ST8SIA6: variants seen among roughly 807,000 people sequenced by gnomAD.
ST8SIA6 encodes the protein ST8 alpha-N-acetyl-neuraminide alpha-2,8-sialyltransferase 6.
ST8SIA6 carries 39 observed loss-of-function variants against 33.6 expected under a neutral mutation model. The ratio of observed to expected loss-of-function variants is 1.16; its 90% CI spans 0.90 to 1.52. The LOEUF (loss-of-function observed/expected upper bound fraction) is 1.52. Among genes scored for constraint, ST8SIA6 ranks in the 40% most tolerant of loss-of-function variants. ST8SIA6 has a pLI of 0.00. For missense variants in ST8SIA6, 441 were observed against 443.8 expected (o/e 0.99, Z 0.06); for synonymous variants, 172 against 167.2 (o/e 1.03, Z -0.22).
In ST8SIA6 at chr10:17,323,229, G is replaced by GCA. The variant is rs1554783533; in HGVS notation, c.636-74_636-73dup. On this transcript the variant is annotated intron_variant, in intron 6 of 7. Transcript: ENST00000377602. Reference sequence around the variant, plus strand: ...AAAGATTGTATACACACATATGCGCGCACACACACACACACACACACCTAT... The same window carrying GCA: ...AAAGATTGTATACACACATATGCGCGCACACACACACACACACACACACCTAT... 3.6e-3 allele frequency: 2,857 copies of GCA among 791,484 alleles called. 2 individuals carry two copies. The highest frequency in any genetic ancestry group is 0.012 in the Middle Eastern group (33 of 2,700). 49.0% of individuals were successfully genotyped at this position (791,484 alleles called of 1,614,324 possible). A position where few individuals can be genotyped will look rare whatever the true frequency, so the allele number is the denominator to read the frequency against.
At chr10:17,425,917 C>G (rs571668433) in intron 2 of ST8SIA6, among the ~76,000 whole-genome samples, 1 of 152,262 alleles carries the variant, frequency 6.6e-6, no homozygotes, top group Admixed American at 6.5e-5. Context: ...CCTCAAATGC[C>G]CTAACTGCAA....
chr10:17,318,771 CA>C lies in ST8SIA6; in HGVS notation c.*2106del, dbSNP rs1422398824. 1 of 466,458 alleles carries C rather than the reference CA, an allele frequency of 2.1e-6. No individual in the cohort carries two copies. Among genetic ancestry groups the C allele is most frequent in the Admixed American group, 2.4e-5 (1 of 41,684 alleles). The allele number at this position is 466,458 out of a possible 1,614,324, so 28.9% of individuals were successfully genotyped here. A position where few individuals can be genotyped will look rare whatever the true frequency, so the allele number is the denominator to read the frequency against. ...TTTGCAATGATTCACCAATACAGAA[CA>C]AAAAGAACTGTGACTTACGTTTTAC... On this transcript the variant is annotated 3_prime_UTR_variant, in exon 8 of 8. Coordinates refer to ENST00000377602, the MANE Select transcript of ST8SIA6 (RefSeq NM_001004470.3).
At chr10:17,444,657 T>C (rs891780133) in intron 2 of ST8SIA6, among the ~76,000 whole-genome samples, 3 of 152,180 alleles carry the variant, frequency 2.0e-5, no homozygotes, top group African/African-American at 7.2e-5. Flanking sequence ...CCCGGACAAT[T>C]GCACCTGATA....
At position 17,320,572 on chromosome 10, in the gene ST8SIA6, G is replaced by T; in HGVS notation, c.*306C>A. On this transcript the variant is annotated 3_prime_UTR_variant, in exon 8 of 8. Coordinates refer to ENST00000377602, the MANE Select transcript of ST8SIA6 (RefSeq NM_001004470.3). ...GGTCTGGTGAAGGTGGAGATGGCTGGTATAAATAGTAAGAAAGAAATATTC... is the reference window on the plus strand; with the variant it reads ...GGTCTGGTGAAGGTGGAGATGGCTGTTATAAATAGTAAGAAAGAAATATTC... 1 of 326,918 alleles carries T rather than the reference G, an allele frequency of 3.1e-6. No homozygotes were observed. The highest frequency in any genetic ancestry group is 5.6e-6 in the Non-Finnish European group (1 of 176,992). The allele number at this position is 326,918 out of a possible 1,614,324, so 20.3% of individuals were successfully genotyped here. A position where few individuals can be genotyped will look rare whatever the true frequency, so the allele number is the denominator to read the frequency against.
Position 17,397,256 on chromosome 10 carries a change from G to A in ST8SIA6, c.201-6636C>T, listed in dbSNP as rs529918569. 5.6e-5 allele frequency among the ~76,000 whole-genome samples: 6 copies of A among 106,226 alleles called. No homozygotes were observed. The South Asian group carries it at 1.0e-3, about 18-fold the overall frequency. 69.7% of individuals were successfully genotyped at this position (106,226 alleles called of 152,430 possible). The stretch of plus-strand genomic sequence containing the variant: ...TTGTTTTTTTTTTTTTTTTTGAGAC[G>A]AAGTCTCACTCTTGTCCCCCAGGCT... On this transcript the variant is annotated intron_variant, in intron 2 of 7. Transcript: ENST00000377602.
chr10:17,321,293 T>C lies in ST8SIA6; in HGVS notation c.782A>G (p.Tyr261Cys), dbSNP rs1355543309. 4 of 1,613,812 alleles carry C rather than the reference T, an allele frequency of 2.5e-6. No homozygotes were observed. Among genetic ancestry groups the C allele is most frequent in the East Asian group, 2.2e-5 (1 of 44,870 alleles). Residue 261 changes from tyrosine (Y) to cysteine (C), a missense_variant, in exon 8 of 8, where the codon TAT (tyrosine) becomes TGT (cysteine). Physicochemically the swap from Tyr to Cys is radical, Grantham distance 194. Coordinates refer to ENST00000377602, the MANE Select transcript of ST8SIA6 (RefSeq NM_001004470.3). ...KALFLEDIAT[Y>C]GDAFFLLPAF... is the part of the protein sequence containing the mutation. Reference sequence around the variant, plus strand: ...TGGCAGAAGAAAAAATGCATCTCCATAGGTTGCAATGTCCTCCAGAAATAG... The same window carrying C: ...TGGCAGAAGAAAAAATGCATCTCCACAGGTTGCAATGTCCTCCAGAAATAG...
intron 4 of ST8SIA6, among the ~76,000 whole-genome samples, chr10:17,343,883 AATACATGC>A (rs1848751938): frequency 6.6e-6 from 1 of 152,180 alleles, no homozygotes; most frequent in Non-Finnish European, 1.5e-5. Context: ...AATAATAATA[AATACATGC>A]ATGGCTTGTA....
At chr10:17,431,714 TGTGCCTCATGGTCTTC>T (rs1177960192) in intron 2 of ST8SIA6, among the ~76,000 whole-genome samples, 3 of 150,342 alleles carry the variant, frequency 2.0e-5, no homozygotes, top group Non-Finnish European at 4.4e-5. Flanking sequence ...GCAATTTCTC[TGTGCCTCATGGTCTTC>T]GTTTGGAAAA....
intron 3 of ST8SIA6, among the ~76,000 whole-genome samples, chr10:17,390,284 C>T (rs1347733097): frequency 6.6e-6 from 1 of 152,160 alleles, no homozygotes; most frequent in Non-Finnish European, 1.5e-5. Context: ...CACCTGGCCC[C>T]TACATGGTAT....
intron 2 of ST8SIA6, among the ~76,000 whole-genome samples, chr10:17,402,667 C>G (rs571034187): frequency 6.6e-6 from 1 of 151,964 alleles, no homozygotes; most frequent in Admixed American, 6.6e-5. Context: ...AGCAAACTAT[C>G]GCAAGAACAA....
intron 3 of ST8SIA6, among the ~76,000 whole-genome samples, chr10:17,386,172 C>G (rs531549285): frequency 1.8e-5 from 1 of 55,612 alleles, no homozygotes; most frequent in African/African-American, 8.8e-5. Context: ...CGGAGTGAGA[C>G]TGTCACACAC....
chr10:17,424,773 A>T (rs1851884205), intron 2 of ST8SIA6, among the ~76,000 whole-genome samples: 2 of 150,062 alleles, frequency 1.3e-5, no homozygotes. Flanking sequence ...AGTCTCGGTC[A>T]CCCAGGCTGG....
intron 6 of ST8SIA6, 74 bp from the exon 7 acceptor site, chr10:17,323,231 A>ACGCG: frequency 4.4e-6 from 1 of 228,880 alleles, no homozygotes; most frequent in Non-Finnish European, 7.5e-6. Context: ...ATATGCGCGC[A>ACGCG]CACACACACA....
intron 2 of ST8SIA6, among the ~76,000 whole-genome samples, chr10:17,397,940 A>G (rs10904949): frequency 0.43 from 64,976 of 152,116 alleles, 14,717 homozygotes; most frequent in East Asian, 0.61. Flanking sequence ...TCATTCTTGA[A>G]TTGAAAGTGA....
intron 3 of ST8SIA6, chr10:17,386,826 A>C (rs1279019692): frequency 6.6e-6 from 1 of 152,234 alleles, no homozygotes; most frequent in Non-Finnish European, 1.5e-5. Flanking sequence ...CTGCTACGTG[A>C]TACCCGGTAG....
intron 2 of ST8SIA6, among the ~76,000 whole-genome samples, chr10:17,440,984 A>G (rs767732919): frequency 6.6e-6 from 1 of 152,174 alleles, no homozygotes; most frequent in Admixed American, 6.5e-5. Context: ...GCAAGAGTTC[A>G]TTACATATTC....
intron 2 of ST8SIA6, among the ~76,000 whole-genome samples, chr10:17,405,884 CAAAA>C (rs10546412): frequency 5.3e-4 from 45 of 85,390 alleles, no homozygotes; most frequent in African/African-American, 1.4e-3. Context: ...GACTCCATTT[CAAAA>C]AAAAAAAAAA....
intron 4 of ST8SIA6, among the ~76,000 whole-genome samples, chr10:17,332,815 T>A (rs1216351109): frequency 6.6e-6 from 1 of 152,200 alleles, no homozygotes; most frequent in East Asian, 1.9e-4. Flanking sequence ...TAATGATCAG[T>A]GATGATGAGC....
At chr10:17,384,030 A>G (rs1291780520) in intron 3 of ST8SIA6, among the ~76,000 whole-genome samples, 2 of 152,218 alleles carry the variant, frequency 1.3e-5, no homozygotes, top group African/African-American at 4.8e-5. Flanking sequence ...ATCTGTTTTC[A>G]TTTGTGACAG....
Sources: allele counts gnomAD v4.1 joint callset (sites outside exome capture counted in the v4.1 genomes callset), GRCh38; gene constraint gnomAD v4.1.1; transcripts MANE v1.5; gene names NCBI Gene and HGNC (gene_info 2026-07-23, HGNC 2026-07-21).